PLD5: variants seen among roughly 807,000 people sequenced by gnomAD.
PLD5 encodes the protein phospholipase D family member 5, also known as inactive phospholipase D5.
In PLD5, 36 loss-of-function variants were observed where a neutral mutation model predicts 61.1. The observed-to-expected ratio is 0.59, with a 90% confidence interval of 0.45 to 0.78. The LOEUF (loss-of-function observed/expected upper bound fraction) is 0.78, where lower values mean the gene tolerates loss of function less well. Among genes scored for constraint, PLD5 ranks in the 30% least tolerant of loss-of-function variants. The probability of loss-of-function intolerance (pLI) is 0.00; values close to 1 mark genes in which losing one functional copy is unlikely to be tolerated. For synonymous variants in PLD5, 243 were observed against 242.8 expected (o/e 1.00, Z -0.01); for missense variants, 515 against 644.4 (o/e 0.80, Z 2.17).
rs567085998 is a variant in PLD5, at chr1:242,223,281, T to TG, written c.608-3167dup. Among the ~76,000 whole-genome samples, 23 of 152,302 alleles carry TG rather than the reference T, an allele frequency of 1.5e-4. No homozygotes were observed. In the East Asian group the frequency reaches 4.2e-3, roughly 28 times the overall value. ...CTCTCACCTCCTAATACCATCACCCTGGGGGTTAGGATTTCAACACATAAA... is the reference window on the plus strand; with the variant it reads ...CTCTCACCTCCTAATACCATCACCCTGGGGGGTTAGGATTTCAACACATAAA... On this transcript the variant is annotated intron_variant, in intron 4 of 9. Coordinates refer to ENST00000536534, the MANE Select transcript of PLD5 (RefSeq NM_001372062.1).
intron 3 of PLD5, among the ~76,000 whole-genome samples, chr1:242,270,430 C>T (rs2149110907): frequency 6.6e-6 from 1 of 152,314 alleles, no homozygotes; most frequent in South Asian, 2.1e-4. Flanking sequence ...ACATGGCTTG[C>T]TAGTGGCAGT....
At chr1:242,494,878 C>CTTTT (rs556893161) in intron 1 of PLD5, among the ~76,000 whole-genome samples, 46,673 of 133,838 alleles carry the variant, frequency 0.35, 8,292 homozygotes, top group East Asian at 0.53. Flanking sequence ...TTTTTCTTTT[C>CTTTT]TGTTTTTTTT....
chr1:242,435,618 A>G (rs755906219), intron 1 of PLD5, among the ~76,000 whole-genome samples: 8 of 152,212 alleles, frequency 5.3e-5, no homozygotes, highest in Non-Finnish European at 8.8e-5. Context: ...GTCTTTAAAC[A>G]GAAACACACA....
At position 242,085,692 on chromosome 1, in the gene PLD5, A is replaced by G. The variant is rs1659414078; in HGVS notation, c.*4162T>C. 1 of 152,200 alleles carries G rather than the reference A, an allele frequency of 6.6e-6. No homozygotes were observed. Among genetic ancestry groups the G allele is most frequent in the East Asian group, 1.9e-4 (1 of 5,200 alleles). The allele number at this position is 152,200 out of a possible 1,614,324, so 9.4% of individuals were successfully genotyped here. On this transcript the variant is annotated 3_prime_UTR_variant, in exon 10 of 10. Transcript: ENST00000536534. ...AAGTACAGAAAGATAAAAGAATGAA[A>G]CATTTGTCCACAATATATGGGGCTG... is the stretch of plus-strand genomic sequence containing the variant.
intron 1 of PLD5, among the ~76,000 whole-genome samples, chr1:242,446,957 G>A (rs940688580): frequency 2.0e-5 from 3 of 152,158 alleles, no homozygotes; most frequent in African/African-American, 7.2e-5. Context: ...CTCACTAGCT[G>A]TGTGCCCTTC....
intron 4 of PLD5, among the ~76,000 whole-genome samples, chr1:242,250,073 G>T (rs1202968739): frequency 6.6e-6 from 1 of 152,166 alleles, no homozygotes; most frequent in Non-Finnish European, 1.5e-5. Flanking sequence ...TCCCAACCAT[G>T]TCAGAACAAA....
At chr1:242,367,016 T>C (rs1243283204) in intron 1 of PLD5, among the ~76,000 whole-genome samples, 2 of 152,058 alleles carry the variant, frequency 1.3e-5, no homozygotes, top group Non-Finnish European at 2.9e-5. Flanking sequence ...CAAAATATAA[T>C]ATGTGGTACA....
chr1:242,443,346 C>A (rs1666360728), intron 1 of PLD5, among the ~76,000 whole-genome samples: 1 of 152,096 alleles, frequency 6.6e-6, no homozygotes, highest in South Asian at 2.1e-4. Flanking sequence ...AGAATGCAAA[C>A]AACAAATTTC....
intron 7 of PLD5, among the ~76,000 whole-genome samples, chr1:242,113,089 T>C (rs1014021682): frequency 0.011 from 346 of 30,292 alleles, 4 homozygotes; most frequent in Non-Finnish European, 0.015. Context: ...TCTCTCTTTT[T>C]TTTTTTTTTT....
At chr1:242,475,983 G>A (rs949588426) in intron 1 of PLD5, among the ~76,000 whole-genome samples, 1 of 152,102 alleles carries the variant, frequency 6.6e-6, no homozygotes, top group African/African-American at 2.4e-5. Context: ...CAGAACTGTA[G>A]GAAACTAAAT....
rs184185967 is a variant in PLD5 at position 242,286,611 on chromosome 1, C to G, written c.495+1751G>C. Among the ~76,000 whole-genome samples the G allele has an allele frequency of 5.8e-3, 887 of 152,326 alleles. 6 individuals carry two copies. The highest frequency in any genetic ancestry group is 0.02 in the African/African-American group (812 of 41,576). On this transcript the variant is annotated intron_variant, in intron 3 of 9. Coordinates refer to ENST00000536534, the MANE Select transcript of PLD5 (RefSeq NM_001372062.1). ...CCTAGAAATTGACTGCCCCCACACA[C>G]ATCCCCTTTGTCCTGTCATTTCTCC...
At chr1:242,436,908 GAAC>G (rs1158640028) in intron 1 of PLD5, among the ~76,000 whole-genome samples, 1 of 152,106 alleles carries the variant, frequency 6.6e-6, no homozygotes, top group East Asian at 1.9e-4. Context: ...AAATTTAAAA[GAAC>G]AAAAAGAAGC....
intron 4 of PLD5, among the ~76,000 whole-genome samples, chr1:242,227,367 TTTG>T (rs1328784025): frequency 6.6e-6 from 1 of 151,918 alleles, no homozygotes; most frequent in Non-Finnish European, 1.5e-5. Context: ...GCTCTGTTTG[TTTG>T]TTTTGTTTTG....
intron 4 of PLD5, among the ~76,000 whole-genome samples, chr1:242,264,335 G>T (rs1180786759): frequency 6.6e-6 from 1 of 152,108 alleles, no homozygotes; most frequent in East Asian, 1.9e-4. Context: ...ATTTTCCTGT[G>T]CATAGAAAAC....
intron 1 of PLD5, among the ~76,000 whole-genome samples, chr1:242,416,500 T>C (rs1418477757): frequency 2.0e-5 from 3 of 152,168 alleles, no homozygotes. Flanking sequence ...TCTCTTAGTT[T>C]TATGAATCTA....
At chr1:242,214,614 T>C (rs530136863) in intron 5 of PLD5, among the ~76,000 whole-genome samples, 1 of 152,148 alleles carries the variant, frequency 6.6e-6, no homozygotes. Context: ...GAGAAACTTA[T>C]CTAAACAATT....
At chr1:242,346,022 C>G (rs952066150) in intron 2 of PLD5, among the ~76,000 whole-genome samples, 6 of 81,928 alleles carry the variant, frequency 7.3e-5, no homozygotes, top group Non-Finnish European at 7.1e-5. Flanking sequence ...CTCCCCCCCC[C>G]CCATATATAC....
chr1:242,297,134 A>G (rs1574686004), intron 2 of PLD5, among the ~76,000 whole-genome samples: 1 of 152,088 alleles, frequency 6.6e-6, no homozygotes, highest in Non-Finnish European at 1.5e-5. Context: ...TCATGAGGTC[A>G]AGAGATCGAG....
chr1:242,525,556 T>G (rs1377253565), upstream of PLD5, among the ~76,000 whole-genome samples: 1 of 152,244 alleles, frequency 6.6e-6, no homozygotes, highest in African/African-American at 2.4e-5. Context: ...TTGCTATCTT[T>G]GGAGTCAACC....
Sources: allele counts gnomAD v4.1 joint callset (sites outside exome capture counted in the v4.1 genomes callset), GRCh38; gene constraint gnomAD v4.1.1; transcripts MANE v1.5; gene names NCBI Gene and HGNC (gene_info 2026-07-23, HGNC 2026-07-21).